SH2D4A: variants seen among roughly 807,000 people sequenced by gnomAD.
SH2D4A encodes SH2 domain-containing protein 4A.
SH2D4A carries 70 observed loss-of-function variants against 64.7 expected under a neutral mutation model. The observed-to-expected ratio is 1.08, with a 90% CI of 0.89 to 1.32. The LOEUF (loss-of-function observed/expected upper bound fraction) is 1.32. Among genes scored for constraint, SH2D4A ranks in the 40% most tolerant of loss-of-function variants. SH2D4A has a pLI of 0.00. For synonymous variants in SH2D4A, 268 were observed against 200.7 expected (o/e 1.34, Z -2.83); for missense variants, 706 against 540.1 (o/e 1.31, Z -3.04).
chr8:19,335,392 G>A (rs1281676834), intron 4 of SH2D4A, among the ~76,000 whole-genome samples: 1 of 152,172 alleles, frequency 6.6e-6, no homozygotes, highest in Non-Finnish European at 1.5e-5. Flanking sequence ...GAGACTGAAA[G>A]TAACAAGAAC....
intron 8 of SH2D4A, chr8:19,375,463 T>G (rs2153650325): frequency 6.6e-6 from 1 of 152,306 alleles, no homozygotes; most frequent in East Asian, 1.9e-4. Flanking sequence ...TTGCCTAATT[T>G]TTCACTCCAC....
At chr8:19,315,199 G>C (rs1479764461) in intron 1 of SH2D4A, among the ~76,000 whole-genome samples, 3 of 152,070 alleles carry the variant, frequency 2.0e-5, no homozygotes, top group Non-Finnish European at 2.9e-5. Flanking sequence ...GCAGTGGTGC[G>C]ATCTCGGCTC....
chr8:19,346,496 C>G (rs1019399729), intron 4 of SH2D4A, among the ~76,000 whole-genome samples: 1 of 152,196 alleles, frequency 6.6e-6, no homozygotes, highest in Non-Finnish European at 1.5e-5. Flanking sequence ...GGAAAGCAAG[C>G]CACTGATTCT....
At chr8:19,358,587 A>G (rs2052830285) in intron 5 of SH2D4A, among the ~76,000 whole-genome samples, 1 of 152,198 alleles carries the variant, frequency 6.6e-6, no homozygotes, top group African/African-American at 2.4e-5. Context: ...ACAGCAAGTC[A>G]AAGACACAGA....
At chr8:19,382,472 A>G (rs187008214) in intron 8 of SH2D4A, among the ~76,000 whole-genome samples, 32 of 152,284 alleles carry the variant, frequency 2.1e-4, no homozygotes, top group Admixed American at 1.4e-3. Context: ...TCAATACAAT[A>G]TTCAATAAAT....
At chr8:19,377,206 A>G (rs2053210740) in intron 8 of SH2D4A, among the ~76,000 whole-genome samples, 1 of 152,130 alleles carries the variant, frequency 6.6e-6, no homozygotes, top group Admixed American at 6.5e-5. Context: ...ACATGTCAAG[A>G]CCCCGTCTCT....
intron 5 of SH2D4A, 149 bp from the exon 6 acceptor site, chr8:19,361,054 A>G: frequency 2.0e-6 from 1 of 503,922 alleles, no homozygotes; most frequent in Non-Finnish European, 3.6e-6. Context: ...TCCAAAGTCC[A>G]CACTTGATCC....
Position 19,345,720 on chromosome 8 carries a change from G to C in SH2D4A, c.513+10863G>C, listed in dbSNP as rs554120814. ...ACCTTCCTGCCATGCAACAGTTTCTGTGGTTTTAACCAGAACGCCAAACCA... is the reference window on the plus strand; with the variant it reads ...ACCTTCCTGCCATGCAACAGTTTCTCTGGTTTTAACCAGAACGCCAAACCA... On this transcript the variant is annotated intron_variant, in intron 4 of 9. Transcript: ENST00000265807. Among the ~76,000 whole-genome samples the C allele has an allele frequency of 1.6e-4, 24 of 152,334 alleles. No homozygotes were observed. In the South Asian group the frequency reaches 4.6e-3, roughly 29 times the overall value.
At chr8:19,372,013 A>C (rs1430388015) in intron 7 of SH2D4A, among the ~76,000 whole-genome samples, 2 of 152,106 alleles carry the variant, frequency 1.3e-5, no homozygotes, top group African/African-American at 4.8e-5. Flanking sequence ...CATCTCTATG[A>C]CTTTAGGCTT....
At chr8:19,367,935 C>T (rs941871296) in intron 7 of SH2D4A, among the ~76,000 whole-genome samples, 1 of 152,070 alleles carries the variant, frequency 6.6e-6, no homozygotes, top group African/African-American at 2.4e-5. Context: ...AAATAAAAAT[C>T]CTTGCTCAGA....
intron 4 of SH2D4A, among the ~76,000 whole-genome samples, chr8:19,338,577 A>G (rs1180065885): frequency 2.6e-5 from 4 of 152,146 alleles, no homozygotes; most frequent in Non-Finnish European, 5.9e-5. Context: ...GAGACATGTG[A>G]TGTTCCTGGC....
chr8:19,369,216 G>C (rs190338715), intron 7 of SH2D4A, among the ~76,000 whole-genome samples: 6 of 152,228 alleles, frequency 3.9e-5, no homozygotes, highest in African/African-American at 1.4e-4. Context: ...TTGATGTGCT[G>C]TTGGATTTGG....
intron 4 of SH2D4A, among the ~76,000 whole-genome samples, chr8:19,350,647 C>T (rs1202453382): frequency 6.6e-6 from 1 of 152,104 alleles, no homozygotes; most frequent in East Asian, 1.9e-4. Flanking sequence ...CCACGCCCAG[C>T]CCACTTTTGT....
At chr8:19,369,767 C>G (rs556853345) in intron 7 of SH2D4A, among the ~76,000 whole-genome samples, 1 of 152,050 alleles carries the variant, frequency 6.6e-6, no homozygotes, top group African/African-American at 2.4e-5. Flanking sequence ...ATTAAAACCA[C>G]TCTTCATTTC....
At chr8:19,338,692 C>T (rs868508795) in intron 4 of SH2D4A, among the ~76,000 whole-genome samples, 1 of 152,144 alleles carries the variant, frequency 6.6e-6, no homozygotes, top group Admixed American at 6.5e-5. Flanking sequence ...ATGGAAGTCA[C>T]GCAGCTCTGT....
chr8:19,314,560 T>A (rs1326301277), intron 1 of SH2D4A, among the ~76,000 whole-genome samples: 1 of 152,014 alleles, frequency 6.6e-6, no homozygotes, highest in Non-Finnish European at 1.5e-5. Flanking sequence ...GAGCTACAGT[T>A]TGTAGGTTTT....
At chr8:19,342,695 T>A (rs2052547756) in intron 4 of SH2D4A, among the ~76,000 whole-genome samples, 1 of 152,150 alleles carries the variant, frequency 6.6e-6, no homozygotes, top group African/African-American at 2.4e-5. Flanking sequence ...TCCCTCTTAT[T>A]ATCTGCCCCC....
intron 7 of SH2D4A, among the ~76,000 whole-genome samples, chr8:19,368,637 TAGTC>T (rs1481418790): frequency 6.7e-6 from 1 of 148,952 alleles, no homozygotes; most frequent in African/African-American, 2.4e-5. Context: ...TTTTTTTTGT[TAGTC>T]CATTGTTGAT....
chr8:19,365,850 G>A (rs2052984644), intron 7 of SH2D4A, among the ~76,000 whole-genome samples: 1 of 152,062 alleles, frequency 6.6e-6, no homozygotes, highest in African/African-American at 2.4e-5. Flanking sequence ...GATCTCCAAG[G>A]ACTTCCCAAA....
Sources: allele counts gnomAD v4.1 joint callset (sites outside exome capture counted in the v4.1 genomes callset), GRCh38; gene constraint gnomAD v4.1.1; transcripts MANE v1.5; gene names NCBI Gene and HGNC (gene_info 2026-07-23, HGNC 2026-07-21).